NDUFS7: variants seen among roughly 807,000 people sequenced by gnomAD.
NDUFS7 encodes NADH:ubiquinone oxidoreductase core subunit S7.
A neutral mutation model predicts 31.1 loss-of-function variants in NDUFS7; 11 were observed. That is an observed-to-expected ratio of 0.35 (90% CI 0.22 to 0.59). The LOEUF is 0.59. Ranked by LOEUF, NDUFS7 falls within the 20% of genes least tolerant of loss-of-function variation. The pLI is 0.79. For synonymous variants in NDUFS7, 136 were observed against 127.9 expected, an observed-to-expected ratio of 1.06 and a Z score of -0.43; for missense variants, 263 against 324.2, an observed-to-expected ratio of 0.81 and a Z score of 1.45.
chr19:1,393,604 T>C lies in NDUFS7; in HGVS notation c.544+274T>C. 1 of 608,564 alleles carries C rather than the reference T, an allele frequency of 1.6e-6. No individual in the cohort carries two copies. The highest frequency in any genetic ancestry group is 2.9e-6 in the Non-Finnish European group (1 of 339,876). The allele number at this position is 608,564 out of a possible 1,614,324, so 37.7% of individuals were successfully genotyped here. A position where few individuals can be genotyped will look rare whatever the true frequency, so the allele number is the denominator to read the frequency against. ...GGTTTACAGCAGTTTCATATGGTCC[T>C]ACCTGGCACAAACCAAAGACCTGCA... On this transcript the variant is annotated intron_variant, in intron 7 of 7. Transcript: ENST00000233627. This position sits in a 1 kb window ranked among gnomAD's most constrained non-coding sequence, Gnocchi z 7.3.
intron 4 of NDUFS7, chr19:1,389,315 A>ACTCATGCG: frequency 2.1e-6 from 1 of 477,438 alleles, no homozygotes; most frequent in Non-Finnish European, 4.1e-6. Context: ...AGTCATGCAC[A>ACTCATGCG]CACATGCACA....
At chr19:1,388,428 C>G in intron 2 of NDUFS7, 97 bp from the exon 3 acceptor site, 1 of 1,141,322 alleles carries the variant, frequency 8.8e-7, no homozygotes, top group Non-Finnish European at 1.3e-6. Flanking sequence ...AGAACAGTCT[C>G]GCAGCAGGGA....
chr19:1,395,425 C>T lies in NDUFS7; in HGVS notation c.579C>T (p.Gly193=). The T allele has an allele frequency of 6.2e-7, 1 of 1,602,458 alleles. No individual in the cohort carries two copies. The highest frequency in any genetic ancestry group is 8.5e-7 in the Non-Finnish European group (1 of 1,176,278). Residue 193 remains glycine (G), a synonymous_variant, in exon 8 of 8, where the codon GGC becomes GGT. Transcript: ENST00000233627. The part of the protein sequence containing the change: ...CPPTAEALLY[G]ILQLQRKIKR... ...CTACGGCCGAGGCCCTGCTCTACGG[C>T]ATCCTGCAGCTGCAGAGGAAGATCA...
intron 1 of NDUFS7, 148 bp from the exon 2 acceptor site, chr19:1,387,663 C>T: frequency 1.4e-6 from 1 of 721,032 alleles, no homozygotes; most frequent in East Asian, 2.7e-5. Flanking sequence ...TTCTGAAAAC[C>T]CCCTCGTTAC....
At chr19:1,395,273 A>G in intron 7 of NDUFS7, 118 bp from the exon 8 acceptor site, 2 of 1,481,934 alleles carry the variant, frequency 1.3e-6, no homozygotes, top group South Asian at 1.3e-5. Flanking sequence ...CAGGGCTGTC[A>G]GCCTCCACCT....
intron 1 of NDUFS7, 171 bp from the exon 2 acceptor site, chr19:1,387,640 A>C (rs2082516151): frequency 1.5e-6 from 1 of 659,454 alleles, no homozygotes; most frequent in African/African-American, 1.8e-5. Flanking sequence ...CAGGGGACTA[A>C]GACTCTCTCG....
intron 7 of NDUFS7, chr19:1,394,368 G>A: frequency 7.8e-7 from 1 of 1,289,244 alleles, no homozygotes; most frequent in Non-Finnish European, 1.0e-6. Flanking sequence ...CTGCAGTGCA[G>A]ACCAATGGGG....
At chr19:1,391,329 G>A (rs899939449) in intron 6 of NDUFS7, among the ~76,000 whole-genome samples, 164 bp downstream of exon 6, 1 of 152,108 alleles carries the variant, frequency 6.6e-6, no homozygotes, top group African/African-American at 2.4e-5. Flanking sequence ...AGGCAGATGC[G>A]CTGGTGGGCC....
rs1600153144 is a variant in NDUFS7 at position 1,393,513 on chromosome 19, T to C, written c.544+183T>C. 2 of 692,196 alleles carry C rather than the reference T, an allele frequency of 2.9e-6. No individual in the cohort carries two copies. Among genetic ancestry groups the C allele is most frequent in the East Asian group, 2.7e-5 (1 of 36,992 alleles). 42.9% of individuals were successfully genotyped at this position (692,196 alleles called of 1,614,324 possible). ...CCTGTCCCCTGTGAGAAGTCGGCGA[T>C]GTATTCAGGCATCAGAGGGATCAGA... On this transcript the variant is annotated intron_variant, in intron 7 of 7. Coordinates refer to ENST00000233627, the MANE Select transcript of NDUFS7 (RefSeq NM_024407.5). The surrounding 1 kb of genome is among the most constrained non-coding windows in gnomAD (Gnocchi z 7.3).
chr19:1,390,662 T>C, intron 4 of NDUFS7: 1 of 608,370 alleles, frequency 1.6e-6, no homozygotes, highest in Non-Finnish European at 2.9e-6. Flanking sequence ...CCCGTTTCTC[T>C]CTATTTTATG....
intron 6 of NDUFS7, chr19:1,391,890 C>T (rs567853748): frequency 3.6e-4 from 55 of 152,138 alleles, no homozygotes; most frequent in African/African-American, 1.3e-3. Flanking sequence ...GCTCTGTCGC[C>T]CAGGCTGGAG....
Position 1,393,386 on chromosome 19 carries a change from CG to C in NDUFS7, c.544+58del, listed in dbSNP as rs763227126. On this transcript the variant is annotated intron_variant, in intron 7 of 7. Transcript: ENST00000233627. This position sits in a 1 kb window ranked among gnomAD's most constrained non-coding sequence, Gnocchi z 7.3. Reference sequence around the variant, plus strand: ...AGCTGGAGACAGGGCCAGCGCCACACGGAGCCCGGCGGCCCCTGTGAGGGAG... The same window carrying C: ...AGCTGGAGACAGGGCCAGCGCCACACGAGCCCGGCGGCCCCTGTGAGGGAG... The C allele has an allele frequency of 8.3e-6, 12 of 1,442,280 alleles. No individual in the cohort carries two copies. Among genetic ancestry groups the C allele is most frequent in the Admixed American group, 2.0e-5 (1 of 50,854 alleles). The allele number at this position is 1,442,280 out of a possible 1,614,324, so 89.3% of individuals were successfully genotyped here.
Position 1,393,338 on chromosome 19 carries a change from C to T in NDUFS7, c.544+8C>T, listed in dbSNP as rs372317789. The T allele has an allele frequency of 3.2e-5, 50 of 1,563,886 alleles. No individual in the cohort carries two copies. The Middle Eastern group carries it at 8.3e-4, about 26-fold the overall frequency. On this transcript the variant is annotated splice_region_variant and intron_variant, in intron 7 of 7. Coordinates refer to ENST00000233627, the MANE Select transcript of NDUFS7 (RefSeq NM_024407.5). This position sits in a 1 kb window ranked among gnomAD's most constrained non-coding sequence, Gnocchi z 7.3. ...TGGACATCTACATCCCAGGTAGGGC[C>T]GGGACCGCACCGCCCACGAGGGAGC... is the stretch of plus-strand genomic sequence containing the variant.
At chr19:1,387,489 A>C (rs2082515103) in intron 1 of NDUFS7, among the ~76,000 whole-genome samples, 1 of 152,006 alleles carries the variant, frequency 6.6e-6, no homozygotes, top group African/African-American at 2.4e-5. Flanking sequence ...CCAGTGTGCA[A>C]GTGTGAGGCG....
chr19:1,387,933 G>GGGGC, intron 2 of NDUFS7, 86 bp downstream of exon 2: 2 of 385,712 alleles, frequency 5.2e-6, no homozygotes, highest in Non-Finnish European at 1.0e-5. Flanking sequence ...GGGGTGGGGG[G>GGGGC]AGCGCCTTGT....
chr19:1,391,061 T>G lies in NDUFS7; in HGVS notation c.408+11T>G, dbSNP rs2144620188. ...CCAGCGCTTCGCAAGGTAGGCCTCG[T>G]CCCAGCCGCCCAGCCGCCCCCAGAG... On this transcript the variant is annotated intron_variant, in intron 5 of 7. Coordinates refer to ENST00000233627, the MANE Select transcript of NDUFS7 (RefSeq NM_024407.5). 6.2e-7 allele frequency: 1 copy of G among 1,612,676 alleles called. No homozygotes were observed. Among genetic ancestry groups the G allele is most frequent in the African/African-American group, 1.3e-5 (1 of 74,946 alleles).
At chr19:1,387,611 G>C in intron 1 of NDUFS7, 200 bp from the exon 2 acceptor site, 1 of 619,298 alleles carries the variant, frequency 1.6e-6, no homozygotes, top group Non-Finnish European at 3.0e-6. Context: ...GGTTCCTTCC[G>C]GGGCCATGCA....
At chr19:1,390,366 G>T (rs1203322751) in intron 4 of NDUFS7, 2 of 205,462 alleles carry the variant, frequency 9.7e-6, no homozygotes, top group East Asian at 2.6e-4. Flanking sequence ...GCCCCTGCCA[G>T]GTCTCAGAGC....
rs1873146641 is a variant in NDUFS7 at position 1,395,566 on chromosome 19, C to T, written c.*78C>T. On this transcript the variant is annotated 3_prime_UTR_variant, in exon 8 of 8. Coordinates refer to ENST00000233627, the MANE Select transcript of NDUFS7 (RefSeq NM_024407.5). ...GTGTCCCGTGAGGTTGTCAATAAAC[C>T]TGCCCTCGGGCTGCCGCCTCCCAGT... 3.3e-6 allele frequency: 5 copies of T among 1,498,504 alleles called. No homozygotes were observed. Among genetic ancestry groups the T allele is most frequent in the Non-Finnish European group, 3.6e-6 (4 of 1,102,954 alleles). The allele number at this position is 1,498,504 out of a possible 1,614,324, so 92.8% of individuals were successfully genotyped here.
Sources: gnomAD v4.1 joint callset for allele counts (sites outside exome capture counted in the v4.1 genomes callset) on GRCh38, gnomAD v4.1.1 for gene constraint, Gnocchi (gnomAD v3.1) non-coding constraint, MANE v1.5 for transcripts, NCBI Gene and HGNC (gene_info 2026-07-23, HGNC 2026-07-21) for gene names.